The following ZNF891 variants were observed in gnomAD, a reference collection of about 807,000 sequenced individuals.
ZNF891 encodes zinc finger protein 891, also known as hCG1646157.
For missense variants in ZNF891, 589 were observed against 632.7 expected, an observed-to-expected ratio of 0.93 and a Z score of 0.74; for synonymous variants, 199 against 209.0, an observed-to-expected ratio of 0.95 and a Z score of 0.41.
At position 133,115,581 on chromosome 12, in the gene ZNF891, G is replaced by A. The variant is rs1161946238; in HGVS notation, c.*4703C>T. ...ATTTACATTGTTTTCTCCTATGCAT[G>A]TATTAGTTTTATTATTAAAAACCAC... On this transcript the variant is annotated 3_prime_UTR_variant, in exon 2 of 2. Coordinates refer to ENST00000537226, the MANE Select transcript of ZNF891 (RefSeq NM_001277291.2). 1 of 151,992 alleles carries A rather than the reference G, an allele frequency of 6.6e-6. No individual in the cohort carries two copies. Among genetic ancestry groups the A allele is most frequent in the Non-Finnish European group, 1.5e-5 (1 of 68,000 alleles). 9.4% of individuals were successfully genotyped at this position (151,992 alleles called of 1,614,324 possible). A position where few individuals can be genotyped will look rare whatever the true frequency, so the allele number is the denominator to read the frequency against.
At chr12:133,129,151 G>C (rs1451626004) in intron 1 of ZNF891, among the ~76,000 whole-genome samples, 1 of 152,080 alleles carries the variant, frequency 6.6e-6, no homozygotes, top group Non-Finnish European at 1.5e-5. Flanking sequence ...AATTATCTAG[G>C]AAAGGTATCT....
chr12:133,121,467 G>C lies in ZNF891; in HGVS notation c.452C>G (p.Thr151Arg). 1 of 1,536,126 alleles carries C rather than the reference G, an allele frequency of 6.5e-7. No individual in the cohort carries two copies. ...IKLTMHNWSS[T>R]LREDWECHKI... is the part of the protein sequence containing the mutation. ...ATGGCATTCCCAGTCTTCTCTTAAT[G>C]TGGAGGACCAATTATGCATTGTGAG... The change falls in exon 2 of 2, where the codon ACA becomes AGA. Residue 151 changes from threonine (T) to arginine (R), a missense_variant. Coordinates refer to ENST00000537226, the MANE Select transcript of ZNF891 (RefSeq NM_001277291.2).
chr12:133,122,376 G>T (rs907004822), intron 1 of ZNF891: 3 of 293,526 alleles, frequency 1.0e-5, no homozygotes, highest in African/African-American at 4.6e-5. Flanking sequence ...TAACTTTTGG[G>T]GACAGAAAAA....
Position 133,121,867 on chromosome 12 carries a change from C to T in ZNF891, c.52G>A (p.Ala18Thr). 2 of 1,536,384 alleles carry T rather than the reference C, an allele frequency of 1.3e-6. No individual in the cohort carries two copies. The highest frequency in any genetic ancestry group is 1.7e-6 in the Non-Finnish European group (2 of 1,146,954). The change falls in exon 2 of 2, where the codon GCC (alanine) becomes ACC (threonine). Residue 18 changes from alanine to threonine, a missense_variant. Ala to Thr is a moderately conservative substitution (Grantham distance 58). Transcript: ENST00000537226. ...TCAGCATTTCTCAGATGGAAACAGGCAGAGTCCTGTTTAGTTAAAGCCCAT... is the reference window on the plus strand; with the variant it reads ...TCAGCATTTCTCAGATGGAAACAGGTAGAGTCCTGTTTAGTTAAAGCCCAT... Reference protein sequence around the residue: ...SPWALTKQDSACFHLRNAEEE... With the variant: ...SPWALTKQDSTCFHLRNAEEE...
chr12:133,106,735 G>A lies in ZNF891; in HGVS notation c.*13549C>T, dbSNP rs138946284. ...CCTTACTTCAGAGAACTCTTGGAAAGAAGCCTTATGTGAAAGTGATGACTG... is the reference window on the plus strand; with the variant it reads ...CCTTACTTCAGAGAACTCTTGGAAAAAAGCCTTATGTGAAAGTGATGACTG... On this transcript the variant is annotated 3_prime_UTR_variant, in exon 2 of 2. Coordinates refer to ENST00000537226, the MANE Select transcript of ZNF891 (RefSeq NM_001277291.2). 566 of 1,261,398 alleles carry A rather than the reference G, an allele frequency of 4.5e-4. 3 individuals carry two copies. The African/African-American group carries it at 7.6e-3, about 17-fold the overall frequency. 78.1% of individuals were successfully genotyped at this position (1,261,398 alleles called of 1,614,324 possible). A position where few individuals can be genotyped will look rare whatever the true frequency, so the allele number is the denominator to read the frequency against.
In ZNF891 at chr12:133,106,432, T is replaced by C. The variant is rs773703927; in HGVS notation, c.*13852A>G. On this transcript the variant is annotated 3_prime_UTR_variant, in exon 2 of 2. Transcript: ENST00000537226. ...AGAGTCACACTGGAGAGAAACCCTA[T>C]GCGTGTGCTGAATGTGATAAAGCCT... 3.1e-6 allele frequency: 5 copies of C among 1,614,130 alleles called. No homozygotes were observed. The highest frequency in any genetic ancestry group is 2.2e-5 in the East Asian group (1 of 44,854).
chr12:133,120,917 A>G lies in ZNF891; in HGVS notation c.1002T>C (p.Asn334=). The change falls in exon 2 of 2, where the codon AAT becomes AAC. Residue 334 remains asparagine (N), a synonymous_variant. Transcript: ENST00000537226. ...QCGKAFKRIS[N]LTLYKKSHMG... Reference sequence around the variant, plus strand: ...TGTGACTTTTCTTGTATAAAGTAAGATTAGAAATCCTTTTGAAGGCTTTTC... The same window carrying G: ...TGTGACTTTTCTTGTATAAAGTAAGGTTAGAAATCCTTTTGAAGGCTTTTC... 9 of 1,537,210 alleles carry G rather than the reference A, an allele frequency of 5.9e-6. No individual in the cohort carries two copies. The highest frequency in any genetic ancestry group is 7.8e-6 in the Non-Finnish European group (9 of 1,146,890).
At chr12:133,124,111 C>G (rs1188536952) in intron 1 of ZNF891, among the ~76,000 whole-genome samples, 1 of 152,092 alleles carries the variant, frequency 6.6e-6, no homozygotes, top group Non-Finnish European at 1.5e-5. Context: ...TTATAAATCT[C>G]TAGTAAGTAA....
rs201564275 is a variant in ZNF891 at position 133,106,333 on chromosome 12, T to C, written c.*13951A>G. The C allele has an allele frequency of 6.8e-6, 11 of 1,614,210 alleles. No homozygotes were observed. Among genetic ancestry groups the C allele is most frequent in the South Asian group, 1.1e-5 (1 of 91,082 alleles). On this transcript the variant is annotated 3_prime_UTR_variant, in exon 2 of 2. Coordinates refer to ENST00000537226, the MANE Select transcript of ZNF891 (RefSeq NM_001277291.2). ...TTATTAAACATCAGAGAATTCATGCTGGAGAAAAGCTCTATGAATGTGATG... is the reference window on the plus strand; with the variant it reads ...TTATTAAACATCAGAGAATTCATGCCGGAGAAAAGCTCTATGAATGTGATG...
At chr12:133,126,467 C>A (rs1955816111) in intron 1 of ZNF891, among the ~76,000 whole-genome samples, 1 of 130,896 alleles carries the variant, frequency 7.6e-6, no homozygotes, top group African/African-American at 2.8e-5. Flanking sequence ...AAGCGAGACT[C>A]CGTCTCAAAA....
chr12:133,112,785 G>C lies in ZNF891; in HGVS notation c.*7499C>G, dbSNP rs987060255. The C allele has an allele frequency of 1.3e-5, 2 of 152,170 alleles. No individual in the cohort carries two copies. Among genetic ancestry groups the C allele is most frequent in the South Asian group, 2.1e-4 (1 of 4,830 alleles). The allele number at this position is 152,170 out of a possible 1,614,324, so 9.4% of individuals were successfully genotyped here. On this transcript the variant is annotated 3_prime_UTR_variant, in exon 2 of 2. Coordinates refer to ENST00000537226, the MANE Select transcript of ZNF891 (RefSeq NM_001277291.2). ...CTTTAAAAAGTAGGAGATAGAAATGGTAAGTTAAAAAATATATTTTCCCCA... is the reference window on the plus strand; with the variant it reads ...CTTTAAAAAGTAGGAGATAGAAATGCTAAGTTAAAAAATATATTTTCCCCA...
rs974270392 is a variant in ZNF891 at position 133,113,499 on chromosome 12, C to G, written c.*6785G>C. 2 of 152,138 alleles carry G rather than the reference C, an allele frequency of 1.3e-5. No individual in the cohort carries two copies. Among genetic ancestry groups the G allele is most frequent in the African/African-American group, 4.8e-5 (2 of 41,440 alleles). 9.4% of individuals were successfully genotyped at this position (152,138 alleles called of 1,614,324 possible). ...ATATATCTCCACATGTCAATCCACA[C>G]AAATACATTTTAATGACTGCATTAT... On this transcript the variant is annotated 3_prime_UTR_variant, in exon 2 of 2. Transcript: ENST00000537226.
At chr12:133,129,404 G>GCA (rs1003366416) in intron 1 of ZNF891, among the ~76,000 whole-genome samples, 4 of 151,548 alleles carry the variant, frequency 2.6e-5, no homozygotes, top group African/African-American at 9.7e-5. Flanking sequence ...ACAAGACTGA[G>GCA]GCAGAAGAAT....
Position 133,111,797 on chromosome 12 carries a change from T to G in ZNF891, c.*8487A>C, listed in dbSNP as rs948386854. On this transcript the variant is annotated 3_prime_UTR_variant, in exon 2 of 2. Transcript: ENST00000537226. ...TGTCTTTTAAAAAGTGAATGCAACT[T>G]ATGGAAAAATTAAAAAGGAAACCCA... is the stretch of plus-strand genomic sequence containing the variant. The G allele has an allele frequency of 1.3e-5, 2 of 152,040 alleles. No homozygotes were observed. Among genetic ancestry groups the G allele is most frequent in the South Asian group, 2.1e-4 (1 of 4,828 alleles). 9.4% of individuals were successfully genotyped at this position (152,040 alleles called of 1,614,324 possible).
rs2137616054 is a variant in ZNF891 at position 133,118,464 on chromosome 12, T to C, written c.*1820A>G. The C allele has an allele frequency of 6.6e-6, 1 of 152,322 alleles. No individual in the cohort carries two copies. Among genetic ancestry groups the C allele is most frequent in the African/African-American group, 2.4e-5 (1 of 41,574 alleles). The allele number at this position is 152,322 out of a possible 1,614,324, so 9.4% of individuals were successfully genotyped here. ...TCTAGACACCTCCTCAATTCTAGAA[T>C]TGCGTACCAACCTCTTCATCTGGAT... is the stretch of plus-strand genomic sequence containing the variant. On this transcript the variant is annotated 3_prime_UTR_variant, in exon 2 of 2. Transcript: ENST00000537226.
At chr12:133,124,225 C>A (rs1433734669) in intron 1 of ZNF891, among the ~76,000 whole-genome samples, 1 of 152,054 alleles carries the variant, frequency 6.6e-6, no homozygotes, top group Non-Finnish European at 1.5e-5. Context: ...CACTTTAAAT[C>A]GGTGGGGGGA....
chr12:133,112,988 G>A lies in ZNF891; in HGVS notation c.*7296C>T, dbSNP rs778742427. The A allele has an allele frequency of 6.6e-6, 1 of 151,664 alleles. No homozygotes were observed. The highest frequency in any genetic ancestry group is 6.6e-5 in the Admixed American group (1 of 15,236). 9.4% of individuals were successfully genotyped at this position (151,664 alleles called of 1,614,324 possible). A position where few individuals can be genotyped will look rare whatever the true frequency, so the allele number is the denominator to read the frequency against. On this transcript the variant is annotated 3_prime_UTR_variant, in exon 2 of 2. Coordinates refer to ENST00000537226, the MANE Select transcript of ZNF891 (RefSeq NM_001277291.2). ...GCAGGAGAATGGCATGAACCCAGGA[G>A]GTGGAGCTTGCGGTGAGCAGAGATC...
chr12:133,120,147 A>C lies in ZNF891; in HGVS notation c.*137T>G. ...CCATGGATCAAAAAAAGTCATAATT[A>C]GTATTTACAGAAAATGTTATATTAA... On this transcript the variant is annotated 3_prime_UTR_variant, in exon 2 of 2. Transcript: ENST00000537226. The C allele has an allele frequency of 3.5e-6, 2 of 574,216 alleles. No individual in the cohort carries two copies. Among genetic ancestry groups the C allele is most frequent in the Non-Finnish European group, 5.5e-6 (2 of 364,640 alleles). 35.6% of individuals were successfully genotyped at this position (574,216 alleles called of 1,614,324 possible).
rs993819171 is a variant in ZNF891, at chr12:133,120,005, G to T, written c.*279C>A. Reference sequence around the variant, plus strand: ...CAACTTTTATAAAAACACCAACAAAGCAGTAAAATATAGTCCAGATTCTCT... The same window carrying T: ...CAACTTTTATAAAAACACCAACAAATCAGTAAAATATAGTCCAGATTCTCT... On this transcript the variant is annotated 3_prime_UTR_variant, in exon 2 of 2. Coordinates refer to ENST00000537226, the MANE Select transcript of ZNF891 (RefSeq NM_001277291.2). The T allele has an allele frequency of 3.8e-6, 1 of 262,788 alleles. No homozygotes were observed. The highest frequency in any genetic ancestry group is 2.2e-5 in the African/African-American group (1 of 44,992). The allele number at this position is 262,788 out of a possible 1,614,324, so 16.3% of individuals were successfully genotyped here. A position where few individuals can be genotyped will look rare whatever the true frequency, so the allele number is the denominator to read the frequency against.
Sources: gnomAD v4.1 joint callset for allele counts (sites outside exome capture counted in the v4.1 genomes callset) on GRCh38, gnomAD v4.1.1 for gene constraint, MANE v1.5 for transcripts, NCBI Gene and HGNC (gene_info 2026-07-23, HGNC 2026-07-21) for gene names.